The following TENT5D variants were observed in gnomAD, a reference collection of about 807,000 sequenced individuals.
The protein encoded by TENT5D is terminal nucleotidyltransferase 5D, also known as cancer/testis antigen 112.
For missense variants in TENT5D, 191 were observed against 287.0 expected (o/e 0.67, Z 2.42); for synonymous variants, 103 against 100.6 (o/e 1.02, Z -0.15).
chrX:80,377,743 A>G (rs1930764111), intron 3 of TENT5D, among the ~76,000 whole-genome samples: 1 of 112,033 alleles, frequency 8.9e-6, no homozygotes, highest in Non-Finnish European at 1.9e-5. Flanking sequence ...TCCTTTGGGT[A>G]TATACCCAGT....
At chrX:80,415,368 C>A (rs73630385) in intron 3 of TENT5D, among the ~76,000 whole-genome samples, 121 of 111,649 alleles carry the variant, frequency 1.1e-3, no homozygotes, top group African/African-American at 3.6e-3. Flanking sequence ...AATGGGCATA[C>A]CTGTCCTGTT....
At chrX:80,340,221 T>G (rs1929932991) in intron 2 of TENT5D, among the ~76,000 whole-genome samples, 1 of 110,569 alleles carries the variant, frequency 9.0e-6, no homozygotes, top group African/African-American at 3.3e-5. Flanking sequence ...AAGAGCTGTT[T>G]GAAAAAAAAC....
intron 3 of TENT5D, among the ~76,000 whole-genome samples, chrX:80,359,675 T>C (rs1009848672): frequency 9.0e-6 from 1 of 111,044 alleles, no homozygotes; most frequent in Non-Finnish European, 1.9e-5. Flanking sequence ...TTAGGAGAAA[T>C]ACCTAATGTA....
intron 3 of TENT5D, among the ~76,000 whole-genome samples, chrX:80,359,133 T>A (rs988068257): frequency 8.0e-5 from 9 of 111,984 alleles, no homozygotes; most frequent in Non-Finnish European, 1.7e-4. Context: ...AGAATGGCAA[T>A]CATTGAAAAG....
At chrX:80,444,221 C>A (rs1345971596) in exon 3 of TENT5D, 1 of 122,721 alleles carries the variant, frequency 8.1e-6, no homozygotes, top group African/African-American at 3.3e-5. Context: ...TCAAAAGCAA[C>A]AGATTCAGAA....
exon 3 of TENT5D, chrX:80,442,879 A>G (rs189602496): frequency 2.5e-5 from 30 of 1,209,187 alleles, no homozygotes; most frequent in Non-Finnish European, 1.2e-5. Flanking sequence ...CTTTTTACCA[A>G]AAGATGTAAA....
chrX:80,432,935 G>A (rs1932115039), intron 1 of TENT5D, among the ~76,000 whole-genome samples: 1 of 110,897 alleles, frequency 9.0e-6, no homozygotes, highest in Non-Finnish European at 1.9e-5. Context: ...CCTTGGTCCA[G>A]GACCAATCAG....
intron 1 of TENT5D, among the ~76,000 whole-genome samples, chrX:80,432,608 T>C (rs1054891217): frequency 1.8e-5 from 2 of 111,863 alleles, no homozygotes; most frequent in Admixed American, 1.9e-4. Context: ...ATGAATTCCT[T>C]TCTTCCCAGC....
At chrX:80,359,514 T>C (rs1030879763) in intron 3 of TENT5D, among the ~76,000 whole-genome samples, 1 of 111,073 alleles carries the variant, frequency 9.0e-6, no homozygotes, top group African/African-American at 3.3e-5. Flanking sequence ...GAAACCATAA[T>C]CCTCAGCAAA....
At chrX:80,425,367 A>G (rs1227459197) in intron 1 of TENT5D, among the ~76,000 whole-genome samples, 1 of 112,615 alleles carries the variant, frequency 8.9e-6, no homozygotes. Context: ...AGCAAAAGTT[A>G]AAAAGATTAT....
intron 1 of TENT5D, among the ~76,000 whole-genome samples, chrX:80,427,009 G>A (rs1932000121): frequency 9.0e-6 from 1 of 111,121 alleles, no homozygotes; most frequent in South Asian, 3.8e-4. Context: ...ATTTTCTCTT[G>A]CTGCCACCAT....
At chrX:80,423,404 C>T (rs1230834605) in intron 1 of TENT5D, among the ~76,000 whole-genome samples, 1 of 111,710 alleles carries the variant, frequency 9.0e-6, no homozygotes, top group Non-Finnish European at 1.9e-5. Context: ...AGAACGCTTT[C>T]TGCAGCAGAC....
intron 3 of TENT5D, among the ~76,000 whole-genome samples, chrX:80,390,159 T>C (rs1295384991): frequency 9.0e-6 from 1 of 111,590 alleles, no homozygotes; most frequent in East Asian, 2.8e-4. Context: ...CTTGTAGAAA[T>C]TCCCTTCTGA....
intron 1 of TENT5D, among the ~76,000 whole-genome samples, chrX:80,438,376 A>G (rs1241456293): frequency 9.1e-6 from 1 of 109,496 alleles, no homozygotes; most frequent in Non-Finnish European, 1.9e-5. Context: ...TTTAACATGC[A>G]TTAGAGTTAC....
At chrX:80,381,014 C>G (rs1180161673) in intron 3 of TENT5D, among the ~76,000 whole-genome samples, 1 of 111,557 alleles carries the variant, frequency 9.0e-6, no homozygotes, top group African/African-American at 3.3e-5. Context: ...ATGTTAGCTG[C>G]TTATTTTGCC....
rs970578114 is a variant in TENT5D, at chrX:80,438,737, G to A, written c.-19+5G>A. On this transcript the variant is annotated splice_donor_5th_base_variant and intron_variant, in intron 2 of 2. Coordinates refer to ENST00000308293, the Ensembl canonical transcript of TENT5D. ...CTTGAAAGCAATCCTTTCAATGTAA[G>A]TATGATGTCTTTTCTCACTGTCTTT... The A allele has an allele frequency of 9.1e-6, 1 of 110,448 alleles. No individual in the cohort carries two copies. The highest frequency in any genetic ancestry group is 9.7e-5 in the Admixed American group (1 of 10,257). The allele number at this position is 110,448 out of a possible 1,213,427, so 9.1% of individuals were successfully genotyped here. A position where few individuals can be genotyped will look rare whatever the true frequency, so the allele number is the denominator to read the frequency against.
intron 2 of TENT5D, among the ~76,000 whole-genome samples, chrX:80,340,546 T>C (rs1270947209): frequency 1.8e-5 from 2 of 111,215 alleles, no homozygotes; most frequent in Non-Finnish European, 3.8e-5. Context: ...AATTTCTCAA[T>C]TTCTCTTTGT....
At chrX:80,370,438 C>T (rs1930602955) in intron 3 of TENT5D, among the ~76,000 whole-genome samples, 1 of 111,854 alleles carries the variant, frequency 8.9e-6, no homozygotes, top group African/African-American at 3.2e-5. Flanking sequence ...AAAATCACCA[C>T]AAGATATACA....
chrX:80,373,762 T>G (rs1286610104), intron 3 of TENT5D, among the ~76,000 whole-genome samples: 4 of 111,861 alleles, frequency 3.6e-5, no homozygotes, highest in African/African-American at 6.5e-5. Context: ...TTTGCTGTTA[T>G]CATGCTCCTG....
Sources: gnomAD v4.1 joint callset for allele counts (sites outside exome capture counted in the v4.1 genomes callset) on GRCh38, gnomAD v4.1.1 for gene constraint, MANE v1.5 for transcripts, NCBI Gene and HGNC (gene_info 2026-07-23, HGNC 2026-07-21) for gene names.